ANKAR: variants seen among roughly 807,000 people sequenced by gnomAD.
ANKAR encodes the protein ankyrin and armadillo repeat-containing protein.
A neutral mutation model predicts 146.2 loss-of-function variants in ANKAR; 136 were observed. The observed-to-expected ratio is 0.93, with a 90% CI of 0.81 to 1.07. The LOEUF (loss-of-function observed/expected upper bound fraction) is 1.07, where lower values mean the gene tolerates loss of function less well. Among genes scored for constraint, ANKAR ranks in the 50% least tolerant of loss-of-function variants. The probability of loss-of-function intolerance (pLI) is 0.00; values close to 1 mark genes in which losing one functional copy is unlikely to be tolerated. For synonymous variants in ANKAR, 500 were observed against 575.8 expected (o/e 0.87, Z 1.88); for missense variants, 1,567 against 1,679.9 (o/e 0.93, Z 1.18).
chr2:189,691,884 C>CT (rs2036467023), intron 3 of ANKAR, among the ~76,000 whole-genome samples: 1 of 151,954 alleles, frequency 6.6e-6, no homozygotes, highest in Admixed American at 6.6e-5. Flanking sequence ...ACCTCAGCCT[C>CT]CCAAGTAACT....
intron 10 of ANKAR, among the ~76,000 whole-genome samples, chr2:189,718,337 TCTAG>T (rs10560818): frequency 0.98 from 148,766 of 152,076 alleles, 72,815 homozygotes; most frequent in East Asian, 1. Flanking sequence ...TATCTGTCTG[TCTAG>T]CTATCTATCT....
chr2:189,760,014 C>T (rs1209667346), intron 18 of ANKAR, among the ~76,000 whole-genome samples: 1 of 152,102 alleles, frequency 6.6e-6, no homozygotes, highest in Non-Finnish European at 1.5e-5. Flanking sequence ...TCTTGCACCG[C>T]CCTTAATCCA....
Position 189,676,478 on chromosome 2 carries a change from G to T in ANKAR, c.-13G>T. 3.3e-6 allele frequency: 5 copies of T among 1,528,012 alleles called. No individual in the cohort carries two copies. Among genetic ancestry groups the T allele is most frequent in the Non-Finnish European group, 4.4e-6 (5 of 1,140,006 alleles). The allele number at this position is 1,528,012 out of a possible 1,614,324, so 94.7% of individuals were successfully genotyped here. A position where few individuals can be genotyped will look rare whatever the true frequency, so the allele number is the denominator to read the frequency against. On this transcript the variant is annotated 5_prime_UTR_variant, in exon 2 of 23. Coordinates refer to ENST00000684021, the MANE Select transcript of ANKAR (RefSeq NM_001378068.1). ...CAGAAGCTTCAAAAAGGACACACTA[G>T]ATTTAATTAGAAATGTTAAGATTGC...
Position 189,689,840 on chromosome 2 carries a change from GA to G in ANKAR, c.921del (p.Asp308IlefsTer6). On this transcript the variant is annotated frameshift_variant, in exon 3 of 23. Transcript: ENST00000684021. LOFTEE classifies it high-confidence loss of function. ...AGATTATTCAAAAACACTTTGAGAA[GA>G]AAAAAGATATCAGAAGAGGGATAGG... ...KKIIQKHFEKKKDIRRGIGYL... is the reference protein window; with the variant it reads ...KKIIQKHFEKXKDIRRGIGYL... 1.2e-6 allele frequency: 2 copies of G among 1,602,454 alleles called. No individual in the cohort carries two copies. The highest frequency in any genetic ancestry group is 1.7e-6 in the Non-Finnish European group (2 of 1,175,406).
intron 16 of ANKAR, 68 bp downstream of exon 16, chr2:189,730,669 A>G: frequency 1.3e-6 from 1 of 768,510 alleles, no homozygotes; most frequent in Non-Finnish European, 1.9e-6. Context: ...AAAATTTTGT[A>G]TCTTTATTCA....
chr2:189,762,852 A>G (rs569860507), downstream of ANKAR: 7 of 985,448 alleles, frequency 7.1e-6, no homozygotes, highest in South Asian at 2.3e-4. Context: ...AGCGAGCGGC[A>G]TGCTTAGTGA....
chr2:189,736,068 A>G (rs1224401327), intron 17 of ANKAR, among the ~76,000 whole-genome samples: 2 of 152,208 alleles, frequency 1.3e-5, no homozygotes, highest in Non-Finnish European at 2.9e-5. Flanking sequence ...ATGGAAACAC[A>G]TGTCTTTCCT....
chr2:189,707,934 G>T (rs544268351), intron 9 of ANKAR, among the ~76,000 whole-genome samples: 1 of 152,136 alleles, frequency 6.6e-6, no homozygotes, highest in Non-Finnish European at 1.5e-5. Flanking sequence ...TCCTCAAAAG[G>T]CTTGAGAACT....
At position 189,733,243 on chromosome 2, in the gene ANKAR, A is replaced by G; in HGVS notation, c.3423+14A>G. On this transcript the variant is annotated intron_variant, in intron 17 of 22. Transcript: ENST00000684021. The stretch of plus-strand genomic sequence containing the variant: ...TCAACAGAAAAGGTAATACCTTTAC[A>G]AAATATTGAGGTTCATTTTGAAAAA... The G allele has an allele frequency of 6.4e-7, 1 of 1,570,858 alleles. No homozygotes were observed. The highest frequency in any genetic ancestry group is 8.6e-7 in the Non-Finnish European group (1 of 1,161,876).
chr2:189,708,068 A>C (rs1026988787), intron 9 of ANKAR, among the ~76,000 whole-genome samples: 3 of 152,206 alleles, frequency 2.0e-5, no homozygotes, highest in Non-Finnish European at 4.4e-5. Flanking sequence ...GCCTTACCCA[A>C]GCGTAAAGCA....
chr2:189,710,173 G>C (rs765851487), intron 9 of ANKAR, among the ~76,000 whole-genome samples: 3 of 152,234 alleles, frequency 2.0e-5, no homozygotes, highest in Non-Finnish European at 4.4e-5. Context: ...ATTCAGGACA[G>C]ATTTGGTAAT....
chr2:189,723,463 T>C (rs1462668344), intron 12 of ANKAR, among the ~76,000 whole-genome samples: 1 of 152,156 alleles, frequency 6.6e-6, no homozygotes, highest in African/African-American at 2.4e-5. Flanking sequence ...CTCAAATATG[T>C]AACAAAAGCA....
In ANKAR at chr2:189,755,349, T is replaced by A. The variant is rs1157294470; in HGVS notation, c.*585-5749T>A. ...AGTGCATGAGCCTCCATATGATGAATGGGAATGAATGGCTTTTTTAACTGT... is the reference window on the plus strand; with the variant it reads ...AGTGCATGAGCCTCCATATGATGAAAGGGAATGAATGGCTTTTTTAACTGT... On this transcript the variant is annotated intron_variant and NMD_transcript_variant, in intron 18 of 18. Coordinates refer to the ANKAR transcript ENST00000441800. 2.5e-6 allele frequency: 4 copies of A among 1,613,412 alleles called. No individual in the cohort carries two copies. The African/African-American group carries it at 5.3e-5, about 22-fold the overall frequency.
chr2:189,692,432 T>A lies in ANKAR; in HGVS notation c.1203+14T>A. On this transcript the variant is annotated intron_variant, in intron 4 of 22. Coordinates refer to ENST00000684021, the MANE Select transcript of ANKAR (RefSeq NM_001378068.1). ...GAAGATTTTCAGGTTTAAATGATCA[T>A]TCCTTAGACAATTTATCATTTCACA... 1.9e-6 allele frequency: 3 copies of A among 1,590,760 alleles called. No individual in the cohort carries two copies. Among genetic ancestry groups the A allele is most frequent in the Non-Finnish European group, 2.6e-6 (3 of 1,171,866 alleles).
At position 189,727,897 on chromosome 2, in the gene ANKAR, G is replaced by T; in HGVS notation, c.2677G>T (p.Gly893Trp). The T allele has an allele frequency of 6.2e-7, 1 of 1,613,962 alleles. No homozygotes were observed. Among genetic ancestry groups the T allele is most frequent in the South Asian group, 1.1e-5 (1 of 91,078 alleles). Residue 893 changes from glycine (G) to tryptophan (W), a missense_variant, in exon 13 of 23, where the codon GGG becomes TGG. Coordinates refer to ENST00000684021, the MANE Select transcript of ANKAR (RefSeq NM_001378068.1). ...AVSSAAIAEV[G>W]RDNKEIQDAI... ...ATCTTCTGCTGCAATTGCTGAGGTT[G>T]GGCGTGACAATAAGGAAATTCAGGA...
intron 2 of ANKAR, among the ~76,000 whole-genome samples, chr2:189,681,551 T>C (rs2034678303): frequency 6.6e-6 from 1 of 152,224 alleles, no homozygotes; most frequent in Non-Finnish European, 1.5e-5. Flanking sequence ...AAAGGACTAA[T>C]GCTGTCTGCT....
At chr2:189,680,526 C>T (rs953294664) in intron 2 of ANKAR, among the ~76,000 whole-genome samples, 1 of 151,620 alleles carries the variant, frequency 6.6e-6, no homozygotes, top group Admixed American at 6.6e-5. Context: ...GAGGTGTGAC[C>T]TTAGATTGTC....
intron 18 of ANKAR, among the ~76,000 whole-genome samples, chr2:189,760,171 T>C (rs1225114): frequency 0.98 from 149,556 of 152,332 alleles, 73,474 homozygotes; most frequent in East Asian, 1. Context: ...TACACAGACA[T>C]ATTAACAATC....
intron 17 of ANKAR, among the ~76,000 whole-genome samples, chr2:189,735,025 A>T (rs564427668): frequency 6.7e-6 from 1 of 150,090 alleles, no homozygotes; most frequent in African/African-American, 2.4e-5. Context: ...TATATATAAA[A>T]TATATATATA....
Sources: gnomAD v4.1 joint callset for allele counts (sites outside exome capture counted in the v4.1 genomes callset) on GRCh38, gnomAD v4.1.1 for gene constraint, MANE v1.5 for transcripts, NCBI Gene and HGNC (gene_info 2026-07-23, HGNC 2026-07-21) for gene names.